Variants in SLCO3A1 observed in about 807,000 individuals in gnomAD.
SLCO3A1 encodes PGE1 transporter.
A neutral mutation model predicts 63.1 loss-of-function variants in SLCO3A1; 27 were observed. The ratio of observed to expected loss-of-function variants is 0.43; its 90% CI spans 0.32 to 0.59. The LOEUF (loss-of-function observed/expected upper bound fraction) is 0.59, where lower values mean the gene tolerates loss of function less well. Among genes scored for constraint, SLCO3A1 ranks in the 20% least tolerant of loss-of-function variants. The pLI is 0.09. For missense variants in SLCO3A1, 773 were observed against 945.8 expected (o/e 0.82, Z 2.40); for synonymous variants, 473 against 409.9 (o/e 1.15, Z -1.86).
chr15:92,056,073 C>T (rs1003369561), intron 2 of SLCO3A1, among the ~76,000 whole-genome samples: 4 of 152,048 alleles, frequency 2.6e-5, no homozygotes, highest in African/African-American at 7.2e-5. Flanking sequence ...CCATATTTTT[C>T]CCATGTAGTC....
chr15:91,858,191 ACTGT>A (rs1352251104), intron 1 of SLCO3A1, among the ~76,000 whole-genome samples: 2 of 152,068 alleles, frequency 1.3e-5, no homozygotes, highest in African/African-American at 4.8e-5. Context: ...AGCTCAGGAA[ACTGT>A]CTGTTGACAT....
At chr15:91,970,425 C>G (rs1451913940) in intron 2 of SLCO3A1, among the ~76,000 whole-genome samples, 1 of 152,158 alleles carries the variant, frequency 6.6e-6, no homozygotes, top group Admixed American at 6.5e-5. Context: ...TGGGAGGTGC[C>G]TTTGGGGTGG....
At chr15:91,889,087 A>T in intron 1 of SLCO3A1, 1 of 1,061,528 alleles carries the variant, frequency 9.4e-7, no homozygotes, top group Non-Finnish European at 1.2e-6. Flanking sequence ...ACATTTGTGT[A>T]CTTGTTATTA....
At chr15:92,154,577 G>A (rs1052372340) in intron 9 of SLCO3A1, among the ~76,000 whole-genome samples, 2 of 152,206 alleles carry the variant, frequency 1.3e-5, no homozygotes, top group African/African-American at 4.8e-5. Context: ...TGGGATAGGG[G>A]AACAGGAAGA....
At chr15:92,076,312 C>T (rs1464813253) in intron 2 of SLCO3A1, among the ~76,000 whole-genome samples, 1 of 152,126 alleles carries the variant, frequency 6.6e-6, no homozygotes, top group African/African-American at 2.4e-5. Context: ...TGCAGTCTGC[C>T]CTTCCCAGTC....
intron 4 of SLCO3A1, among the ~76,000 whole-genome samples, chr15:92,119,220 A>G (rs1471002829): frequency 2.0e-5 from 3 of 152,246 alleles, no homozygotes; most frequent in Non-Finnish European, 4.4e-5. Context: ...TATCCAAATA[A>G]TGTGCTTGTT....
chr15:91,930,238 C>T (rs1899177925), intron 2 of SLCO3A1, among the ~76,000 whole-genome samples: 1 of 152,158 alleles, frequency 6.6e-6, no homozygotes, highest in Non-Finnish European at 1.5e-5. Context: ...TCGTCCCCTC[C>T]CTGCCACAGG....
chr15:91,988,457 T>G (rs549389457), intron 2 of SLCO3A1, among the ~76,000 whole-genome samples: 1 of 152,302 alleles, frequency 6.6e-6, no homozygotes, highest in Admixed American at 6.5e-5. Flanking sequence ...TTATTTTATT[T>G]TATTTAAAGA....
chr15:91,974,969 G>T (rs902273257), intron 2 of SLCO3A1, among the ~76,000 whole-genome samples: 3 of 152,142 alleles, frequency 2.0e-5, no homozygotes, highest in African/African-American at 7.2e-5. Context: ...GTTCCTCTGT[G>T]TGCAGTCTGG....
intron 2 of SLCO3A1, among the ~76,000 whole-genome samples, chr15:91,926,599 G>GCGCACA (rs1555450151): frequency 1.4e-5 from 2 of 145,648 alleles, no homozygotes; most frequent in Non-Finnish European, 1.5e-5. Flanking sequence ...GTGTGTGTGC[G>GCGCACA]CGCGCGCACG....
chr15:92,146,328 C>A (rs905854297), intron 7 of SLCO3A1, among the ~76,000 whole-genome samples: 21 of 152,200 alleles, frequency 1.4e-4, no homozygotes, highest in African/African-American at 4.8e-4. Flanking sequence ...TCTTTCTTCT[C>A]TCTGATCATA....
chr15:91,886,051 A>G lies in SLCO3A1; in HGVS notation c.181-29942A>G, dbSNP rs977882492. Among the ~76,000 whole-genome samples, 1 of 152,152 alleles carries G rather than the reference A, an allele frequency of 6.6e-6. No homozygotes were observed. The highest frequency in any genetic ancestry group is 6.5e-5 in the Admixed American group (1 of 15,276). ...GACCCGGCAGGCCCCTGTGAGCCACAGGGAGGCAGAGTTGGTCCCTTTTAA... is the reference window on the plus strand; with the variant it reads ...GACCCGGCAGGCCCCTGTGAGCCACGGGGAGGCAGAGTTGGTCCCTTTTAA... On this transcript the variant is annotated intron_variant, in intron 1 of 9. Coordinates refer to ENST00000318445, the MANE Select transcript of SLCO3A1 (RefSeq NM_013272.4). The surrounding 1 kb of genome is among the most constrained non-coding windows in gnomAD (Gnocchi z 4.9).
Position 91,862,162 on chromosome 15 carries a change from T to A in SLCO3A1, c.180+8074T>A, listed in dbSNP as rs1897064103. Among the ~76,000 whole-genome samples, 1 of 150,342 alleles carries A rather than the reference T, an allele frequency of 6.7e-6. No individual in the cohort carries two copies. Among genetic ancestry groups the A allele is most frequent in the East Asian group, 1.9e-4 (1 of 5,186 alleles). ...GATGAAGTCTTATTTTTTTATTTTT[T>A]ATTTTTTTTTTGAGACAGTCTCACA... is the stretch of plus-strand genomic sequence containing the variant. On this transcript the variant is annotated intron_variant, in intron 1 of 9. Coordinates refer to ENST00000318445, the MANE Select transcript of SLCO3A1 (RefSeq NM_013272.4). This position sits in a 1 kb window ranked among gnomAD's most constrained non-coding sequence, Gnocchi z 4.0.
chr15:91,889,835 C>T (rs1897826720), intron 1 of SLCO3A1, among the ~76,000 whole-genome samples: 1 of 151,666 alleles, frequency 6.6e-6, no homozygotes, highest in African/African-American at 2.4e-5. Flanking sequence ...TTCATAAATA[C>T]CATTCGCCCT....
At chr15:91,902,169 C>A (rs1395222033) in intron 1 of SLCO3A1, among the ~76,000 whole-genome samples, 1 of 151,818 alleles carries the variant, frequency 6.6e-6, no homozygotes, top group Non-Finnish European at 1.5e-5. Flanking sequence ...CCATTTGGTT[C>A]CTTTTTTTAA....
intron 2 of SLCO3A1, among the ~76,000 whole-genome samples, chr15:92,044,755 G>A (rs2046839949): frequency 1.3e-5 from 2 of 152,090 alleles, no homozygotes; most frequent in Non-Finnish European, 1.5e-5. Flanking sequence ...CCTGTCTGAT[G>A]CTCCAGCTTC....
chr15:92,131,061 C>T (rs1466408144), intron 7 of SLCO3A1, among the ~76,000 whole-genome samples: 2 of 152,046 alleles, frequency 1.3e-5, no homozygotes, highest in Non-Finnish European at 2.9e-5. Flanking sequence ...CTCATTGATC[C>T]TCCCAGCACC....
At position 91,883,733 on chromosome 15, in the gene SLCO3A1, T is replaced by A. The variant is rs1897655449; in HGVS notation, c.180+29645T>A. Among the ~76,000 whole-genome samples, 1 of 152,204 alleles carries A rather than the reference T, an allele frequency of 6.6e-6. No homozygotes were observed. The highest frequency in any genetic ancestry group is 1.5e-5 in the Non-Finnish European group (1 of 68,040). The stretch of plus-strand genomic sequence containing the variant: ...GCATAGAAATTTCGGTTCCAAGTAT[T>A]TTTTGAAGTAGAAGTGTGTTTGTAA... On this transcript the variant is annotated intron_variant, in intron 1 of 9. Transcript: ENST00000318445. The surrounding 1 kb of genome is among the most constrained non-coding windows in gnomAD (Gnocchi z 4.8).
rs1363623151 is a variant in SLCO3A1 at position 91,882,933 on chromosome 15, A to G, written c.180+28845A>G. On this transcript the variant is annotated intron_variant, in intron 1 of 9. Transcript: ENST00000318445. This position sits in a 1 kb window ranked among gnomAD's most constrained non-coding sequence, Gnocchi z 4.4. ...TGGTGTCCCAAAGAGATGTAATATC[A>G]CCTTGTTCTTTAAGAAGTTGGTTGG... Among the ~76,000 whole-genome samples the G allele has an allele frequency of 1.3e-5, 2 of 152,158 alleles. No homozygotes were observed. Among genetic ancestry groups the G allele is most frequent in the African/African-American group, 4.8e-5 (2 of 41,416 alleles).
Sources: allele counts gnomAD v4.1 joint callset (sites outside exome capture counted in the v4.1 genomes callset), GRCh38; gene constraint gnomAD v4.1.1; non-coding constraint Gnocchi (gnomAD v3.1); transcripts MANE v1.5; gene names NCBI Gene and HGNC (gene_info 2026-07-23, HGNC 2026-07-21).